The following GREB1L variants were observed in gnomAD, a reference collection of about 807,000 sequenced individuals.
GREB1L encodes GREB1-like protein.
Under a neutral mutation model 200.8 loss-of-function variants are expected in GREB1L, and 17 were observed. The observed-to-expected ratio is 0.08, with a 90% CI of 0.06 to 0.13. GREB1L has a LOEUF of 0.13. Among genes scored for constraint, GREB1L ranks in the 10% least tolerant of loss-of-function variants. GREB1L has a pLI of 1.00. For synonymous variants in GREB1L, 789 were observed against 893.0 expected, an observed-to-expected ratio of 0.88 and a Z score of 2.08; for missense variants, 1,657 against 2,367.7, an observed-to-expected ratio of 0.70 and a Z score of 6.23.
chr18:21,381,106 GT>G (rs1277731068), intron 2 of GREB1L, among the ~76,000 whole-genome samples: 3 of 152,160 alleles, frequency 2.0e-5, no homozygotes, highest in African/African-American at 7.2e-5. Flanking sequence ...GCCAGGTGCA[GT>G]GGCGGGCGCC....
chr18:21,266,344 A>G (rs1166514875), intron 1 of GREB1L, among the ~76,000 whole-genome samples: 1 of 152,242 alleles, frequency 6.6e-6, no homozygotes, highest in Non-Finnish European at 1.5e-5. Context: ...AGTTTAATCT[A>G]GAAAAGATTT....
At chr18:21,439,353 A>C (rs2033759791) in intron 7 of GREB1L, among the ~76,000 whole-genome samples, 168 bp from the exon 8 acceptor site, 1 of 152,138 alleles carries the variant, frequency 6.6e-6, no homozygotes, top group Non-Finnish European at 1.5e-5. Context: ...ATTTTAATGA[A>C]GATCTTCCTC....
rs2034426343 is a variant in GREB1L, at chr18:21,449,766, G to A, written c.1650G>A (p.Arg550=). Residue 550 remains arginine, a synonymous_variant, in exon 12 of 33, where the codon AGG becomes AGA. Coordinates refer to ENST00000424526, the MANE Select transcript of GREB1L (RefSeq NM_001142966.3). ...TCAGTGAAATGAGACACTATCAAAG[G>A]CTGCCAGATTATGTGGTGGTAATTT... The part of the protein sequence containing the change: ...RTLSEMRHYQ[R]LPDYVVVICA... The A allele has an allele frequency of 6.4e-7, 1 of 1,551,184 alleles. No homozygotes were observed. Among genetic ancestry groups the A allele is most frequent in the African/African-American group, 1.4e-5 (1 of 73,034 alleles).
chr18:21,522,445 G>A (rs1028766283), intron 32 of GREB1L, among the ~76,000 whole-genome samples: 2 of 152,108 alleles, frequency 1.3e-5, no homozygotes, highest in Non-Finnish European at 2.9e-5. Context: ...CTGCACTCCA[G>A]CCTGGAGACA....
chr18:21,519,431 C>T (rs2037535386), intron 31 of GREB1L, among the ~76,000 whole-genome samples: 1 of 152,156 alleles, frequency 6.6e-6, no homozygotes, highest in Non-Finnish European at 1.5e-5. Flanking sequence ...CACTGCATTA[C>T]AGCCTAAGTG....
rs2033826116 is a variant in GREB1L, at chr18:21,440,280, A to G, written c.961A>G (p.Ile321Val). 6.4e-7 allele frequency: 1 copy of G among 1,551,302 alleles called. No individual in the cohort carries two copies. The highest frequency in any genetic ancestry group is 8.7e-7 in the Non-Finnish European group (1 of 1,146,898). ...TTGTTTGTCTTCAGCTACCATGTTCATTTCTGGGCCACCAAAGAAACGACA... is the reference window on the plus strand; with the variant it reads ...TTGTTTGTCTTCAGCTACCATGTTCGTTTCTGGGCCACCAAAGAAACGACA... ...YASGDQATMF[I>V]SGPPKKRHRG... Residue 321 changes from isoleucine to valine, a missense_variant, in exon 9 of 33, where the codon ATT becomes GTT. Physicochemically the swap from Ile to Val is conservative, Grantham distance 29. This residue lies in a region of GREB1L where 289 missense variants were observed against 345.1 expected (regional missense o/e 0.84). Transcript: ENST00000424526.
intron 1 of GREB1L, among the ~76,000 whole-genome samples, chr18:21,349,930 C>T (rs1349375222): frequency 6.6e-6 from 1 of 152,140 alleles, no homozygotes; most frequent in Non-Finnish European, 1.5e-5. Flanking sequence ...TTCCACGAAA[C>T]CAGTGCCTGG....
chr18:21,477,911 T>C (rs2035769824), intron 17 of GREB1L, among the ~76,000 whole-genome samples: 1 of 152,228 alleles, frequency 6.6e-6, no homozygotes, highest in Non-Finnish European at 1.5e-5. Context: ...AGGTGGTTCT[T>C]AGGTATCATG....
intron 1 of GREB1L, among the ~76,000 whole-genome samples, chr18:21,260,363 A>G (rs1238938220): frequency 2.0e-5 from 3 of 152,004 alleles, no homozygotes; most frequent in Non-Finnish European, 4.4e-5. Flanking sequence ...TTTGTGGACC[A>G]TCAGAGAAAA....
At chr18:21,508,738 T>G (rs1184997729) in intron 27 of GREB1L, 147 bp downstream of exon 27, 1 of 678,638 alleles carries the variant, frequency 1.5e-6, no homozygotes, top group African/African-American at 1.8e-5. Context: ...AAAAAAGCTT[T>G]TTGACTCTCC....
chr18:21,371,648 G>A lies in GREB1L; in HGVS notation c.-10+5512G>A, dbSNP rs576283069. Among the ~76,000 whole-genome samples, 6 of 151,758 alleles carry A rather than the reference G, an allele frequency of 4.0e-5. No individual in the cohort carries two copies. The South Asian group carries it at 6.2e-4, about 16-fold the overall frequency. On this transcript the variant is annotated intron_variant, in intron 2 of 32. Transcript: ENST00000424526. Reference sequence around the variant, plus strand: ...CAAAAATACAACAAATTAGCCGGGCGTGGCGGGCGCCTGTAGTCGCAGCTA... The same window carrying A: ...CAAAAATACAACAAATTAGCCGGGCATGGCGGGCGCCTGTAGTCGCAGCTA...
intron 1 of GREB1L, among the ~76,000 whole-genome samples, chr18:21,294,671 A>G (rs538799054): frequency 6.6e-6 from 1 of 151,570 alleles, no homozygotes; most frequent in African/African-American, 2.4e-5. Flanking sequence ...CTTTTATGGT[A>G]AAGGGTAAAG....
intron 15 of GREB1L, among the ~76,000 whole-genome samples, chr18:21,471,461 C>G (rs1489455623): frequency 6.6e-6 from 1 of 152,180 alleles, no homozygotes; most frequent in East Asian, 1.9e-4. Context: ...TGACACTCAT[C>G]AGAATTTTCT....
At chr18:21,493,186 G>A (rs1485010560) in intron 19 of GREB1L, among the ~76,000 whole-genome samples, 1 of 152,016 alleles carries the variant, frequency 6.6e-6, no homozygotes, top group African/African-American at 2.4e-5. Flanking sequence ...TCTACTTTTG[G>A]GTAAAATCCA....
intron 2 of GREB1L, among the ~76,000 whole-genome samples, chr18:21,382,954 A>G (rs2040383685): frequency 6.6e-6 from 1 of 152,214 alleles, no homozygotes; most frequent in South Asian, 2.1e-4. Context: ...TTTTTCAAAT[A>G]CTAGTAATAC....
At chr18:21,276,850 T>C (rs1218674820) in intron 1 of GREB1L, among the ~76,000 whole-genome samples, 1 of 151,850 alleles carries the variant, frequency 6.6e-6, no homozygotes, top group Non-Finnish European at 1.5e-5. Context: ...AAGGAAGCGT[T>C]TTTGATACTT....
At chr18:21,379,292 CG>C (rs2040206749) in intron 2 of GREB1L, among the ~76,000 whole-genome samples, 1 of 152,100 alleles carries the variant, frequency 6.6e-6, no homozygotes, top group Non-Finnish European at 1.5e-5. Flanking sequence ...CCACAACCTC[CG>C]CCTCCCGGGT....
intron 7 of GREB1L, among the ~76,000 whole-genome samples, chr18:21,436,986 C>T (rs575432110): frequency 2.6e-5 from 4 of 152,246 alleles, no homozygotes; most frequent in African/African-American, 4.8e-5. Flanking sequence ...GCTGGGATTA[C>T]AGGCATGACC....
intron 1 of GREB1L, among the ~76,000 whole-genome samples, chr18:21,308,490 A>T (rs115111321): frequency 0.015 from 2,260 of 152,334 alleles, 59 homozygotes; most frequent in African/African-American, 0.051. Flanking sequence ...TGAGAGTATC[A>T]TCGCCACTAT....
Sources: gnomAD v4.1 joint callset for allele counts (sites outside exome capture counted in the v4.1 genomes callset) on GRCh38, gnomAD v4.1.1 for gene constraint, gnomAD v4.1.1 regional missense constraint, MANE v1.5 for transcripts, NCBI Gene and HGNC (gene_info 2026-07-23, HGNC 2026-07-21) for gene names.